LRP1B: variants seen among roughly 807,000 people sequenced by gnomAD.
LRP1B encodes the protein LDL receptor related protein 1B.
Under a neutral mutation model 556.6 loss-of-function variants are expected in LRP1B, and 217 were observed. The observed-to-expected ratio is 0.39, with a 90% confidence interval of 0.35 to 0.44. The LOEUF is 0.44. Ranked by LOEUF, LRP1B falls within the 20% of genes least tolerant of loss-of-function variation. The pLI is 1.00. For synonymous variants in LRP1B, 2,047 were observed against 1,865.8 expected (o/e 1.10, Z -2.50); for missense variants, 5,053 against 5,620.8 (o/e 0.90, Z 3.23).
chr2:141,217,875 G>A (rs1682879807), intron 6 of LRP1B, among the ~76,000 whole-genome samples: 2 of 151,824 alleles, frequency 1.3e-5, no homozygotes, highest in South Asian at 2.1e-4. Flanking sequence ...GAACTTTAAG[G>A]AACTTAAATA....
chr2:141,727,695 CAT>C (rs1447427868), intron 2 of LRP1B, among the ~76,000 whole-genome samples: 1 of 152,058 alleles, frequency 6.6e-6, no homozygotes, highest in Non-Finnish European at 1.5e-5. Flanking sequence ...AGCCAATATT[CAT>C]ATATCTTTAA....
chr2:140,791,506 T>G (rs1690119530), intron 32 of LRP1B, among the ~76,000 whole-genome samples: 1 of 152,126 alleles, frequency 6.6e-6, no homozygotes, highest in South Asian at 2.1e-4. Context: ...AGGTTGTGAC[T>G]TGGAATCAAA....
intron 1 of LRP1B, among the ~76,000 whole-genome samples, chr2:141,998,072 G>A (rs1325352766): frequency 1.3e-5 from 2 of 152,072 alleles, no homozygotes; most frequent in Non-Finnish European, 1.5e-5. Flanking sequence ...CTGCAGCAAG[G>A]TGCACTGTAA....
At chr2:140,581,771 C>T in intron 43 of LRP1B, among the ~76,000 whole-genome samples, 1 of 151,934 alleles carries the variant, frequency 6.6e-6, no homozygotes, top group Non-Finnish European at 1.5e-5. Context: ...TTTTTCTCTC[C>T]CCCTCTTCTC....
chr2:141,557,330 A>T (rs564961230), intron 2 of LRP1B, among the ~76,000 whole-genome samples: 1 of 151,980 alleles, frequency 6.6e-6, no homozygotes, highest in African/African-American at 2.4e-5. Context: ...TTTTATGGAG[A>T]TAATGCAAGA....
intron 84 of LRP1B, among the ~76,000 whole-genome samples, chr2:140,280,835 C>T (rs1682883705): frequency 6.6e-6 from 1 of 151,684 alleles, no homozygotes. Context: ...TGAAATGTAA[C>T]TAATCTGTTC....
chr2:141,569,343 A>AT (rs1369015876), intron 2 of LRP1B, among the ~76,000 whole-genome samples: 1 of 151,104 alleles, frequency 6.6e-6, no homozygotes, highest in African/African-American at 2.4e-5. Flanking sequence ...TATAAAAAAA[A>AT]GGGCATTTTC....
At chr2:140,407,850 G>A (rs1398563339) in intron 66 of LRP1B, among the ~76,000 whole-genome samples, 2 of 151,788 alleles carry the variant, frequency 1.3e-5, no homozygotes, top group Non-Finnish European at 2.9e-5. Context: ...AAGAAAAGAA[G>A]TCATTATATG....
chr2:140,565,743 C>A (rs192716051), intron 43 of LRP1B, among the ~76,000 whole-genome samples: 1 of 152,248 alleles, frequency 6.6e-6, no homozygotes, highest in African/African-American at 2.4e-5. Context: ...CCCTAGTGAG[C>A]AGAAAAGCTC....
intron 41 of LRP1B, among the ~76,000 whole-genome samples, chr2:140,613,370 A>AATATATATATAATTATATATATAAAT (rs796568812): frequency 1.2e-5 from 1 of 84,732 alleles, no homozygotes; most frequent in East Asian, 3.4e-4. Flanking sequence ...TATAAATATA[A>AATATATATATAATTATATATATAAAT]ATATATATAA....
intron 1 of LRP1B, among the ~76,000 whole-genome samples, chr2:141,818,554 T>TTG (rs1389755571): frequency 2.7e-5 from 4 of 146,058 alleles, no homozygotes; most frequent in Non-Finnish European, 6.0e-5. Context: ...TTTTTTTTTT[T>TTG]GAGATGGAGT....
chr2:140,329,213 G>A (rs1680660598), intron 79 of LRP1B, among the ~76,000 whole-genome samples: 1 of 151,912 alleles, frequency 6.6e-6, no homozygotes, highest in Admixed American at 6.6e-5. Flanking sequence ...ACTATGCACA[G>A]AGCAGACAAC....
At chr2:141,683,301 A>G (rs973900462) in intron 2 of LRP1B, among the ~76,000 whole-genome samples, 1 of 152,166 alleles carries the variant, frequency 6.6e-6, no homozygotes, top group Non-Finnish European at 1.5e-5. Context: ...TGAATGTTAA[A>G]GGCACTGCTT....
intron 41 of LRP1B, among the ~76,000 whole-genome samples, chr2:140,623,221 G>A (rs982285733): frequency 2.6e-5 from 4 of 151,424 alleles, no homozygotes; most frequent in Non-Finnish European, 4.4e-5. Flanking sequence ...CTTGAATTTT[G>A]TAGTCCTTTT....
chr2:141,572,840 G>T (rs1008845953), intron 2 of LRP1B, among the ~76,000 whole-genome samples: 1 of 151,992 alleles, frequency 6.6e-6, no homozygotes, highest in Non-Finnish European at 1.5e-5. Flanking sequence ...AAGATCAAAA[G>T]AGACAAAAAA....
chr2:141,446,730 T>C (rs996085996), intron 3 of LRP1B, among the ~76,000 whole-genome samples: 2 of 152,220 alleles, frequency 1.3e-5, no homozygotes, highest in African/African-American at 4.8e-5. Context: ...GAATGTTGAA[T>C]ATTGGCCCCC....
At chr2:141,899,842 T>G (rs764012319) in intron 1 of LRP1B, among the ~76,000 whole-genome samples, 1 of 152,052 alleles carries the variant, frequency 6.6e-6, no homozygotes, top group Non-Finnish European at 1.5e-5. Context: ...AATACACTGT[T>G]GTATCTGGCC....
intron 7 of LRP1B, among the ~76,000 whole-genome samples, chr2:141,127,813 A>G (rs984274841): frequency 2.6e-5 from 4 of 152,122 alleles, no homozygotes; most frequent in Admixed American, 6.6e-5. Context: ...TACTTTTATG[A>G]TCACTATCTT....
intron 1 of LRP1B, among the ~76,000 whole-genome samples, chr2:141,907,404 G>A (rs1274909295): frequency 1.3e-5 from 2 of 151,736 alleles, no homozygotes. Context: ...TTAAAAGTCA[G>A]TACAGTCATC....
Sources: allele counts gnomAD v4.1 joint callset (sites outside exome capture counted in the v4.1 genomes callset), GRCh38; gene constraint gnomAD v4.1.1; transcripts MANE v1.5; gene names NCBI Gene and HGNC (gene_info 2026-07-23, HGNC 2026-07-21).